Variants in CCDC63 observed in about 807,000 individuals in gnomAD.
CCDC63 encodes the protein coiled-coil domain-containing protein 63.
Under a neutral mutation model 63.6 loss-of-function variants are expected in CCDC63, and 54 were observed. That is an observed-to-expected ratio of 0.85 (90% confidence interval 0.68 to 1.07). The LOEUF is 1.07. Among genes scored for constraint, CCDC63 ranks in the 50% least tolerant of loss-of-function variants. The pLI is 0.00. For synonymous variants in CCDC63, 253 were observed against 266.1 expected (o/e 0.95, Z 0.48); for missense variants, 637 against 689.6 (o/e 0.92, Z 0.86).
At chr12:110,898,864 C>CA in intron 9 of CCDC63, 69 bp from the exon 10 acceptor site, 1 of 1,320,934 alleles carries the variant, frequency 7.6e-7, no homozygotes, top group Non-Finnish European at 1.0e-6. Flanking sequence ...ACCCTGACCC[C>CA]AGAGGGTCCC....
intron 4 of CCDC63, among the ~76,000 whole-genome samples, chr12:110,863,417 G>C (rs2070890183): frequency 6.6e-6 from 1 of 152,154 alleles, no homozygotes; most frequent in African/African-American, 2.4e-5. Context: ...ATGTACCAGT[G>C]AGGAAAGGTT....
intron 4 of CCDC63, 81 bp from the exon 5 acceptor site, chr12:110,873,761 C>T (rs2071094707): frequency 1.3e-6 from 2 of 1,532,772 alleles, no homozygotes; most frequent in Admixed American, 1.8e-5. Context: ...TATCTGAGCA[C>T]ACTTCAGTTA....
At chr12:110,865,464 C>CAAAAAAAAAAAAAAAAAAAAAAAA (rs10585238) in intron 4 of CCDC63, among the ~76,000 whole-genome samples, 3 of 102,364 alleles carry the variant, frequency 2.9e-5, no homozygotes, top group Non-Finnish European at 3.9e-5. Context: ...CAGCATATAC[C>CAAAAAAAAAAAAAAAAAAAAAAAA]AAAAAAAAAA....
At chr12:110,846,180 G>A (rs1380427836), upstream of CCDC63, among the ~76,000 whole-genome samples, 1 of 152,088 alleles carries the variant, frequency 6.6e-6, no homozygotes, top group Non-Finnish European at 1.5e-5. Context: ...GCAGGGCTGA[G>A]CTACTACAAT....
chr12:110,867,897 G>A (rs1312368099), intron 4 of CCDC63, among the ~76,000 whole-genome samples: 2 of 150,944 alleles, frequency 1.3e-5, no homozygotes, highest in Non-Finnish European at 3.0e-5. Flanking sequence ...TTCCCAGATG[G>A]GGTGGCTGCC....
Position 110,847,102 on chromosome 12 carries a change from A to G in CCDC63, c.-100A>G, listed in dbSNP as rs1180626194. On this transcript the variant is annotated 5_prime_UTR_variant, in exon 1 of 12. Coordinates refer to ENST00000308208, the MANE Select transcript of CCDC63 (RefSeq NM_152591.3). ...ACGGACAAGCAGTCCGGGCCCCGCC[A>G]CTGGTAAGTTTCGCCGCCCGCCCGG... 6.6e-6 allele frequency: 1 copy of G among 152,234 alleles called. No homozygotes were observed. The highest frequency in any genetic ancestry group is 6.5e-5 in the Admixed American group (1 of 15,270). 9.4% of individuals were successfully genotyped at this position (152,234 alleles called of 1,614,324 possible).
At chr12:110,886,126 C>A (rs1379383184) in intron 8 of CCDC63, among the ~76,000 whole-genome samples, 2 of 152,168 alleles carry the variant, frequency 1.3e-5, no homozygotes, top group African/African-American at 4.8e-5. Flanking sequence ...GTGGCTCACA[C>A]CTGTAATCGC....
intron 3 of CCDC63, among the ~76,000 whole-genome samples, chr12:110,855,633 G>A (rs1369043183): frequency 6.6e-6 from 1 of 152,148 alleles, no homozygotes; most frequent in Non-Finnish European, 1.5e-5. Flanking sequence ...CCAGGCTGGA[G>A]TGCAATGGTG....
chr12:110,864,602 G>A (rs2070913838), intron 4 of CCDC63, among the ~76,000 whole-genome samples: 2 of 151,740 alleles, frequency 1.3e-5, no homozygotes, highest in Non-Finnish European at 2.9e-5. Context: ...AGCTACTTGG[G>A]AGGCTGAGGC....
intron 5 of CCDC63, among the ~76,000 whole-genome samples, 184 bp from the exon 6 acceptor site, chr12:110,879,722 G>A (rs565726020): frequency 6.6e-6 from 1 of 152,284 alleles, no homozygotes; most frequent in East Asian, 1.9e-4. Flanking sequence ...AGGGCCCTTA[G>A]CCAGTTGGTG....
chr12:110,874,915 G>A (rs893616868), intron 5 of CCDC63, among the ~76,000 whole-genome samples: 1 of 152,156 alleles, frequency 6.6e-6, no homozygotes, highest in Admixed American at 6.6e-5. Flanking sequence ...GAGTGGAGAA[G>A]GAATGATGGA....
intron 4 of CCDC63, among the ~76,000 whole-genome samples, chr12:110,862,272 C>T (rs1367366323): frequency 6.6e-6 from 1 of 152,174 alleles, no homozygotes; most frequent in Non-Finnish European, 1.5e-5. Flanking sequence ...CCATCTTTGC[C>T]CAATTTCATT....
At chr12:110,855,616 T>C (rs1053307735) in intron 3 of CCDC63, among the ~76,000 whole-genome samples, 3 of 152,174 alleles carry the variant, frequency 2.0e-5, no homozygotes, top group South Asian at 4.1e-4. Flanking sequence ...AGTTTCGCTC[T>C]TGTTGCCCAG....
chr12:110,853,584 G>T lies in CCDC63; in HGVS notation c.179+10G>T. ...AGATTGCGAGTCAGTAGTAAGTGAT[G>T]GTTGGAGTTTCGCACTGAGTGACCT... On this transcript the variant is annotated intron_variant, in intron 3 of 11. Coordinates refer to ENST00000308208, the MANE Select transcript of CCDC63 (RefSeq NM_152591.3). 2 of 1,614,096 alleles carry T rather than the reference G, an allele frequency of 1.2e-6. No individual in the cohort carries two copies. The highest frequency in any genetic ancestry group is 1.7e-6 in the Non-Finnish European group (2 of 1,180,022).
Position 110,904,767 on chromosome 12 carries a change from C to T in CCDC63, c.1522C>T (p.Pro508Ser). 1.2e-6 allele frequency: 2 copies of T among 1,611,626 alleles called. No homozygotes were observed. The highest frequency in any genetic ancestry group is 1.7e-6 in the Non-Finnish European group (2 of 1,179,232). ...KVIPPVLGAD[P>S]FSDRLDDVEQ... The stretch of plus-strand genomic sequence containing the variant: ...CATCCCCCCAGTGCTGGGGGCTGAC[C>T]CCTTCAGCGACAGGTTGGATGATGG... Residue 508 changes from proline to serine, a missense_variant, in exon 11 of 12, where the codon CCC becomes TCC. By Grantham distance (74) the Pro-to-Ser change is moderately conservative. Transcript: ENST00000308208.
rs375752382 is a variant in CCDC63, at chr12:110,904,705, G to T, written c.1460G>T (p.Gly487Val). Residue 487 changes from glycine (G) to valine (V), a missense_variant, in exon 11 of 12, where the codon GGC (glycine) becomes GTC (valine). Transcript: ENST00000308208. ...CCCTTCATCAACCCTTTCTGGGGTG[G>T]CTCTGCCCTCCTCAAGCCCCCAGAA... The part of the protein sequence containing the change: ...PPPFINPFWG[G>V]SALLKPPEPI... The T allele has an allele frequency of 6.2e-7, 1 of 1,613,956 alleles. No individual in the cohort carries two copies. Among genetic ancestry groups the T allele is most frequent in the African/African-American group, 1.3e-5 (1 of 74,878 alleles).
intron 6 of CCDC63, among the ~76,000 whole-genome samples, chr12:110,880,681 GATAA>G: frequency 6.8e-6 from 1 of 148,086 alleles, no homozygotes; most frequent in Non-Finnish European, 1.5e-5. Flanking sequence ...TGGTGGTGAC[GATAA>G]TGATGGTAAT....
chr12:110,906,771 C>T (rs544467052), intron 11 of CCDC63, among the ~76,000 whole-genome samples: 12 of 152,210 alleles, frequency 7.9e-5, no homozygotes, highest in African/African-American at 2.4e-4. Flanking sequence ...CAACTTCCAC[C>T]GCCCTTTCAG....
At position 110,898,401 on chromosome 12, in the gene CCDC63, T is replaced by C. The variant is rs2071440373; in HGVS notation, c.1150-532T>C. On this transcript the variant is annotated intron_variant, in intron 9 of 11. Coordinates refer to ENST00000308208, the MANE Select transcript of CCDC63 (RefSeq NM_152591.3). The stretch of plus-strand genomic sequence containing the variant: ...ACTTTGAGAGGCCAACGTGGGCAGA[T>C]CACTTGAGATCAGCAGTTTGAGAGC... 2.0e-5 allele frequency among the ~76,000 whole-genome samples: 3 copies of C among 147,284 alleles called. No individual in the cohort carries two copies. The Admixed American group carries it at 2.1e-4, about 10-fold the overall frequency.
Sources: gnomAD v4.1 joint callset for allele counts (sites outside exome capture counted in the v4.1 genomes callset) on GRCh38, gnomAD v4.1.1 for gene constraint, MANE v1.5 for transcripts, NCBI Gene and HGNC (gene_info 2026-07-23, HGNC 2026-07-21) for gene names.